ZNF250: variants seen among roughly 807,000 people sequenced by gnomAD.
The protein encoded by ZNF250 is zinc finger protein (clone 647).
In ZNF250, 13 loss-of-function variants were observed where a neutral mutation model predicts 37.1. That is an observed-to-expected ratio of 0.35 (90% confidence interval 0.23 to 0.56). The LOEUF is 0.56. Ranked by LOEUF, ZNF250 falls within the 20% of genes least tolerant of loss-of-function variation. The pLI, the probability that ZNF250 is intolerant of heterozygous loss-of-function variation, is 0.87. For synonymous variants in ZNF250, 251 were observed against 265.6 expected (o/e 0.94, Z 0.54); for missense variants, 474 against 697.9 (o/e 0.68, Z 3.61).
At position 144,880,832 on chromosome 8, in the gene ZNF250, C is replaced by T. The variant is rs995187235; in HGVS notation, c.*683G>A. On this transcript the variant is annotated 3_prime_UTR_variant, in exon 6 of 6. Transcript: ENST00000417550. ...GCAGTGAGCCAAGATCATGCCACTG[C>T]ACTGCAGCTTGGGCAACAGAGCAAG... The T allele has an allele frequency of 6.0e-5, 13 of 217,600 alleles. No individual in the cohort carries two copies. Among genetic ancestry groups the T allele is most frequent in the African/African-American group, 2.7e-4 (12 of 44,390 alleles). 13.5% of individuals were successfully genotyped at this position (217,600 alleles called of 1,614,324 possible).
intron 1 of ZNF250, among the ~76,000 whole-genome samples, chr8:144,893,505 A>G (rs1364657937): frequency 6.6e-6 from 1 of 151,738 alleles, no homozygotes. Context: ...TAATTTTTGT[A>G]CTTTTTGTAG....
Position 144,890,297 on chromosome 8 carries a change from G to A in ZNF250, c.42+11C>T. ...GCTGGGGGCACTGCATAAGCACTGGGGACAGCTTACCTGGGGTCCTGCCGG... is the reference window on the plus strand; with the variant it reads ...GCTGGGGGCACTGCATAAGCACTGGAGACAGCTTACCTGGGGTCCTGCCGG... On this transcript the variant is annotated intron_variant, in intron 2 of 5. Transcript: ENST00000417550. The surrounding 1 kb of genome is among the most constrained non-coding windows in gnomAD (Gnocchi z 5.1). The A allele has an allele frequency of 1.3e-6, 2 of 1,532,902 alleles. No homozygotes were observed. The highest frequency in any genetic ancestry group is 1.4e-5 in the African/African-American group (1 of 73,056). 95.0% of individuals were successfully genotyped at this position (1,532,902 alleles called of 1,614,324 possible). A position where few individuals can be genotyped will look rare whatever the true frequency, so the allele number is the denominator to read the frequency against.
intron 1 of ZNF250, among the ~76,000 whole-genome samples, chr8:144,892,642 C>T (rs1563896253): frequency 6.6e-6 from 1 of 152,052 alleles, no homozygotes; most frequent in Non-Finnish European, 1.5e-5. Context: ...GCAACCTCCA[C>T]CTCCTGGGTT....
rs1395476943 is a variant in ZNF250 at position 144,891,158 on chromosome 8, C to A, written c.-54-755G>T. On this transcript the variant is annotated intron_variant, in intron 1 of 5. Coordinates refer to ENST00000417550, the MANE Select transcript of ZNF250 (RefSeq NM_001109689.4). The surrounding 1 kb of genome is among the most constrained non-coding windows in gnomAD (Gnocchi z 4.0). ...AAGGGGGAGCGGGGCAAGAGCTTTC[C>A]TGACACATTTGGTCCTGTACAGGAT... Among the ~76,000 whole-genome samples, 1 of 152,186 alleles carries A rather than the reference C, an allele frequency of 6.6e-6. No homozygotes were observed. The highest frequency in any genetic ancestry group is 1.5e-5 in the Non-Finnish European group (1 of 68,040).
rs1563902591 is a variant in ZNF250, at chr8:144,897,422, C to T, written c.-55+3977G>A. 6.6e-6 allele frequency among the ~76,000 whole-genome samples: 1 copy of T among 152,248 alleles called. No homozygotes were observed. The highest frequency in any genetic ancestry group is 1.5e-5 in the Non-Finnish European group (1 of 68,044). ...CTAAACTAACCCTAACTAACCTAAA[C>T]TAACCCTAACCTGCAACCTTTCCAG... On this transcript the variant is annotated intron_variant, in intron 1 of 5. Transcript: ENST00000417550. The surrounding 1 kb of genome is among the most constrained non-coding windows in gnomAD (Gnocchi z 5.2).
At chr8:144,883,488 C>G (rs1287448490) in intron 5 of ZNF250, among the ~76,000 whole-genome samples, 1 of 152,006 alleles carries the variant, frequency 6.6e-6, no homozygotes, top group Non-Finnish European at 1.5e-5. Flanking sequence ...TACAGACGCA[C>G]ACCATCATGC....
intron 5 of ZNF250, among the ~76,000 whole-genome samples, chr8:144,885,258 T>C (rs1392012976): frequency 6.6e-6 from 1 of 152,128 alleles, no homozygotes; most frequent in East Asian, 1.9e-4. Context: ...TAGCTGGGAT[T>C]ACAGGCATGT....
At chr8:144,889,159 A>G (rs555643306) in intron 4 of ZNF250, among the ~76,000 whole-genome samples, 76 of 152,372 alleles carry the variant, frequency 5.0e-4, no homozygotes, top group African/African-American at 1.8e-3. Flanking sequence ...GAGATGAAAC[A>G]GTGTGCTTTC....
At position 144,880,937 on chromosome 8, in the gene ZNF250, A is replaced by G. The variant is rs890916095; in HGVS notation, c.*578T>C. 6.2e-6 allele frequency: 1 copy of G among 161,840 alleles called. No homozygotes were observed. Among genetic ancestry groups the G allele is most frequent in the African/African-American group, 2.4e-5 (1 of 41,582 alleles). The allele number at this position is 161,840 out of a possible 1,614,324, so 10.0% of individuals were successfully genotyped here. On this transcript the variant is annotated 3_prime_UTR_variant, in exon 6 of 6. Transcript: ENST00000417550. ...AATATATAAGCTTTTTCCTTGTTTC[A>G]TACAAAACAGGACTCCACACACTTA...
At chr8:144,884,779 C>T (rs975858743) in intron 5 of ZNF250, among the ~76,000 whole-genome samples, 1 of 152,058 alleles carries the variant, frequency 6.6e-6, no homozygotes, top group Admixed American at 6.6e-5. Flanking sequence ...CAAACTTTTC[C>T]AAAGTGGCTA....
Position 144,891,533 on chromosome 8 carries a change from T to C in ZNF250, c.-54-1130A>G, listed in dbSNP as rs922940581. Among the ~76,000 whole-genome samples, 1 of 151,888 alleles carries C rather than the reference T, an allele frequency of 6.6e-6. No homozygotes were observed. The highest frequency in any genetic ancestry group is 6.6e-5 in the Admixed American group (1 of 15,238). On this transcript the variant is annotated intron_variant, in intron 1 of 5. Coordinates refer to ENST00000417550, the MANE Select transcript of ZNF250 (RefSeq NM_001109689.4). The surrounding 1 kb of genome is among the most constrained non-coding windows in gnomAD (Gnocchi z 4.0). ...GAGTTTGAGACCAGCCTGGCCAACA[T>C]GGTGAAACCCCGTCTCTACTAAAAA...
intron 5 of ZNF250, among the ~76,000 whole-genome samples, chr8:144,883,088 T>C (rs1831615067): frequency 6.6e-6 from 1 of 152,224 alleles, no homozygotes; most frequent in South Asian, 2.1e-4. Flanking sequence ...CACACCCCTG[T>C]GTGGAGTCCA....
At chr8:144,895,408 G>A (rs1023652676) in intron 1 of ZNF250, among the ~76,000 whole-genome samples, 8 of 152,274 alleles carry the variant, frequency 5.3e-5, no homozygotes, top group African/African-American at 1.9e-4. Flanking sequence ...TGGGCCAGCT[G>A]CATTGAGGCC....
At chr8:144,884,337 T>C (rs913895034) in intron 5 of ZNF250, among the ~76,000 whole-genome samples, 4 of 152,338 alleles carry the variant, frequency 2.6e-5, no homozygotes, top group African/African-American at 9.6e-5. Flanking sequence ...CTGCAACCTC[T>C]GCCTCCCGGG....
At chr8:144,896,564 TC>T (rs1325012613) in intron 1 of ZNF250, among the ~76,000 whole-genome samples, 3 of 152,092 alleles carry the variant, frequency 2.0e-5, no homozygotes, top group Non-Finnish European at 4.4e-5. Context: ...GTAAGAGCTA[TC>T]GGGGGTGCCA....
chr8:144,886,796 C>G (rs1032719089), intron 5 of ZNF250, 44 bp downstream of exon 5: 17 of 1,572,232 alleles, frequency 1.1e-5, no homozygotes, highest in Non-Finnish European at 1.2e-5. Flanking sequence ...GTGTTAACAC[C>G]TTCAGAGATT....
At position 144,890,105 on chromosome 8, in the gene ZNF250, T is replaced by C. The variant is rs1301606724; in HGVS notation, c.43-46A>G. 8 of 1,597,528 alleles carry C rather than the reference T, an allele frequency of 5.0e-6. No homozygotes were observed. The highest frequency in any genetic ancestry group is 1.8e-5 in the Admixed American group (1 of 56,834). On this transcript the variant is annotated intron_variant, in intron 2 of 5. Transcript: ENST00000417550. The surrounding 1 kb of genome is among the most constrained non-coding windows in gnomAD (Gnocchi z 5.1). ...GCAGGTAAAACCAAATCCTGATGTCTGTGATGGGGAGTGGGTGCATGTGAC... is the reference window on the plus strand; with the variant it reads ...GCAGGTAAAACCAAATCCTGATGTCCGTGATGGGGAGTGGGTGCATGTGAC...
At chr8:144,888,855 G>C (rs1832103127) in intron 4 of ZNF250, among the ~76,000 whole-genome samples, 1 of 152,064 alleles carries the variant, frequency 6.6e-6, no homozygotes, top group South Asian at 2.1e-4. Context: ...TTCACGCCAT[G>C]AATCTGGGAG....
rs1293777290 is a variant in ZNF250 at position 144,891,661 on chromosome 8, T to C, written c.-54-1258A>G. 6.6e-6 allele frequency among the ~76,000 whole-genome samples: 1 copy of C among 151,946 alleles called. No individual in the cohort carries two copies. On this transcript the variant is annotated intron_variant, in intron 1 of 5. Coordinates refer to ENST00000417550, the MANE Select transcript of ZNF250 (RefSeq NM_001109689.4). This position sits in a 1 kb window ranked among gnomAD's most constrained non-coding sequence, Gnocchi z 4.0. The stretch of plus-strand genomic sequence containing the variant: ...GAGGTTGGGAGTTCGAGACCAGCCA[T>C]GACCAACATGGGGAAACCCCGTCTC...
Sources: allele counts gnomAD v4.1 joint callset (sites outside exome capture counted in the v4.1 genomes callset), GRCh38; gene constraint gnomAD v4.1.1; non-coding constraint Gnocchi (gnomAD v3.1); transcripts MANE v1.5; gene names NCBI Gene and HGNC (gene_info 2026-07-23, HGNC 2026-07-21).